Variants in RBM23 observed in about 807,000 individuals in gnomAD.
RBM23 encodes probable RNA-binding protein 23.
In RBM23, 53 loss-of-function variants were observed where a neutral mutation model predicts 56.2. The ratio of observed to expected loss-of-function variants is 0.94; its 90% confidence interval spans 0.76 to 1.19. RBM23 has a LOEUF of 1.19. Among genes scored for constraint, RBM23 ranks in the 50% most tolerant of loss-of-function variants. The pLI, the probability that RBM23 is intolerant of heterozygous loss-of-function variation, is 0.00. For synonymous variants in RBM23, 197 were observed against 198.5 expected (o/e 0.99, Z 0.06); for missense variants, 642 against 590.3 (o/e 1.09, Z -0.91).
At chr14:22,916,618 T>C (rs963721221) in intron 1 of RBM23, among the ~76,000 whole-genome samples, 2 of 151,716 alleles carry the variant, frequency 1.3e-5, no homozygotes, top group African/African-American at 4.8e-5. Flanking sequence ...ATTATATCTA[T>C]TATATCAGAT....
chr14:22,913,228 C>G (rs1256453279), intron 1 of RBM23, among the ~76,000 whole-genome samples: 1 of 150,488 alleles, frequency 6.6e-6, no homozygotes, highest in African/African-American at 2.4e-5. Context: ...TCCTGGCTAA[C>G]ACAGTGAAAC....
chr14:22,902,368 CTCAGAA>C lies in RBM23; in HGVS notation c.939_944del (p.Asp313_Ser314del). On this transcript the variant is annotated inframe_deletion, in exon 11 of 14. Coordinates refer to ENST00000359890, the MANE Select transcript of RBM23 (RefSeq NM_001077351.2). Reference sequence around the variant, plus strand: ...ACTGTTCCAGGGCCCGCCGGGCACACTCAGAATCAGAGAACTATGAGAAACCCAGGC... The same window carrying C: ...ACTGTTCCAGGGCCCGCCGGGCACACTCAGAGAACTATGAGAAACCCAGGC... The C allele has an allele frequency of 1.2e-6, 2 of 1,612,432 alleles. No homozygotes were observed.
chr14:22,899,231 TGAGA>T lies in RBM23; in HGVS notation c.*2495_*2498del, dbSNP rs1300953663. 6.6e-6 allele frequency: 1 copy of T among 152,220 alleles called. No individual in the cohort carries two copies. The highest frequency in any genetic ancestry group is 2.4e-5 in the African/African-American group (1 of 41,448). The allele number at this position is 152,220 out of a possible 1,614,324, so 9.4% of individuals were successfully genotyped here. A position where few individuals can be genotyped will look rare whatever the true frequency, so the allele number is the denominator to read the frequency against. ...GTCACTATCACACAGCAGGTTATCA[TGAGA>T]GAGGGCTGTTATAAAGCAAGTTTGG... On this transcript the variant is annotated 3_prime_UTR_variant, in exon 14 of 14. Coordinates refer to ENST00000359890, the MANE Select transcript of RBM23 (RefSeq NM_001077351.2).
At chr14:22,912,873 G>A (rs558507118) in intron 1 of RBM23, among the ~76,000 whole-genome samples, 228 of 151,694 alleles carry the variant, frequency 1.5e-3, no homozygotes, top group African/African-American at 5.1e-3. Context: ...GGTGGCACGC[G>A]CCTGTAGGCC....
In RBM23 at chr14:22,911,334, T is replaced by G. The variant is rs779394006; in HGVS notation, c.60A>C (p.Lys20Asn). 4.3e-6 allele frequency: 7 copies of G among 1,613,520 alleles called. No homozygotes were observed. Among genetic ancestry groups the G allele is most frequent in the Non-Finnish European group, 5.1e-6 (6 of 1,179,590 alleles). ...GTGAGGTGGAAAATATTACCTCTTC[T>G]TTTTTATAGGGAGCTTCCAGCATGG... Reference protein sequence around the residue: ...IEAMLEAPYKKEEDEQQRKEV... With the variant: ...IEAMLEAPYKNEEDEQQRKEV... The change falls in exon 2 of 14, where the codon AAA becomes AAC. Residue 20 changes from lysine to asparagine, a missense_variant. Physicochemically the swap from Lys to Asn is moderately conservative, Grantham distance 94 (BLOSUM62 0). Coordinates refer to ENST00000359890, the MANE Select transcript of RBM23 (RefSeq NM_001077351.2).
chr14:22,902,494 T>C (rs2040736233), intron 10 of RBM23, 112 bp from the exon 11 acceptor site: 2 of 1,436,196 alleles, frequency 1.4e-6, no homozygotes, highest in South Asian at 3.2e-5. Context: ...CTCACTGAGG[T>C]ACAAACTTTT....
intron 3 of RBM23, chr14:22,908,609 A>G: frequency 2.4e-6 from 1 of 414,168 alleles, no homozygotes; most frequent in Non-Finnish European, 4.3e-6. Context: ...GGCCAGGTTC[A>G]TCTTGAACCC....
At chr14:22,916,001 T>C (rs757627875) in intron 1 of RBM23, among the ~76,000 whole-genome samples, 11 of 152,178 alleles carry the variant, frequency 7.2e-5, no homozygotes, top group Non-Finnish European at 1.3e-4. Context: ...GGAGAATGGC[T>C]TGAGGCCAAG....
At chr14:22,914,565 T>C (rs1423618328) in intron 1 of RBM23, among the ~76,000 whole-genome samples, 1 of 152,080 alleles carries the variant, frequency 6.6e-6, no homozygotes. Context: ...CATGAAAGTG[T>C]ACACTTTAAT....
In RBM23 at chr14:22,919,102, G is replaced by C. The variant is rs967826774; in HGVS notation, c.-114C>G. On this transcript the variant is annotated 5_prime_UTR_variant, in exon 1 of 14. Transcript: ENST00000359890. ...TCCTAGAGTCTAGGCAAGAAAAGCA[G>C]CACTGCAGGTACAGAGCCTCCTCTT... is the stretch of plus-strand genomic sequence containing the variant. 1.3e-5 allele frequency: 2 copies of C among 152,228 alleles called. No individual in the cohort carries two copies. The highest frequency in any genetic ancestry group is 2.9e-5 in the Non-Finnish European group (2 of 68,092). The allele number at this position is 152,228 out of a possible 1,614,324, so 9.4% of individuals were successfully genotyped here. A position where few individuals can be genotyped will look rare whatever the true frequency, so the allele number is the denominator to read the frequency against.
intron 2 of RBM23, 141 bp downstream of exon 2, chr14:22,911,187 A>ATTAGTATTTTATG: frequency 1.4e-6 from 1 of 723,618 alleles, no homozygotes; most frequent in East Asian, 2.7e-5. Flanking sequence ...GCTTACTAAG[A>ATTAGTATTTTATG]CTATGCCTTT....
Position 22,899,727 on chromosome 14 carries a change from A to G in RBM23, c.*2003T>C, listed in dbSNP as rs1401894375. 1 of 152,224 alleles carries G rather than the reference A, an allele frequency of 6.6e-6. No individual in the cohort carries two copies. Among genetic ancestry groups the G allele is most frequent in the East Asian group, 1.9e-4 (1 of 5,204 alleles). 9.4% of individuals were successfully genotyped at this position (152,224 alleles called of 1,614,324 possible). ...CTGTGCTATTGTTACAGAAGCAGCA[A>G]ACAGACTTAGGAGCTAGAGTCCCAC... On this transcript the variant is annotated 3_prime_UTR_variant, in exon 14 of 14. Transcript: ENST00000359890.
At chr14:22,908,680 CCCGCGTGAGCA>C (rs1299389013) in intron 3 of RBM23, 1 of 265,526 alleles carries the variant, frequency 3.8e-6, no homozygotes, top group East Asian at 9.0e-5. Context: ...ATGCATGAGC[CCCGCGTGAGCA>C]CCGCGCCAGG....
chr14:22,907,804 C>T (rs1387353029), intron 4 of RBM23, among the ~76,000 whole-genome samples: 3 of 152,148 alleles, frequency 2.0e-5, no homozygotes, highest in Admixed American at 1.3e-4. Context: ...CCCTTGAAGA[C>T]CTTCCAGTGG....
chr14:22,904,942 T>A lies in RBM23; in HGVS notation c.797A>T (p.Tyr266Phe), dbSNP rs776613721. Reference sequence around the variant, plus strand: ...GATATTGAAGTGCAGGGAACCCACATAGAGGCGCATTGGTCCACCATTGCC... The same window carrying A: ...GATATTGAAGTGCAGGGAACCCACAAAGAGGCGCATTGGTCCACCATTGCC... Reference protein sequence around the residue: ...QKGNGGPMRLYVGSLHFNITE... With the variant: ...QKGNGGPMRLFVGSLHFNITE... Residue 266 changes from tyrosine to phenylalanine, a missense_variant, in exon 9 of 14, where the codon TAT (tyrosine) becomes TTT (phenylalanine). Physicochemically the swap from Tyr to Phe is conservative, Grantham distance 22 (BLOSUM62 3). Coordinates refer to ENST00000359890, the MANE Select transcript of RBM23 (RefSeq NM_001077351.2). The A allele has an allele frequency of 6.2e-7, 1 of 1,614,206 alleles. No individual in the cohort carries two copies. The highest frequency in any genetic ancestry group is 1.1e-5 in the South Asian group (1 of 91,078).
chr14:22,910,539 G>C (rs1286148931), intron 2 of RBM23, among the ~76,000 whole-genome samples: 2 of 150,730 alleles, frequency 1.3e-5, no homozygotes, highest in Non-Finnish European at 3.0e-5. Flanking sequence ...TGGGAGGAGA[G>C]GGCAGAGGGA....
At chr14:22,903,693 G>T in intron 10 of RBM23, 2 of 1,002,132 alleles carry the variant, frequency 2.0e-6, no homozygotes, top group Non-Finnish European at 2.4e-6. Flanking sequence ...TCTCAGCCTG[G>T]AGTCACATGG....
intron 9 of RBM23, 72 bp from the exon 10 acceptor site, chr14:22,904,398 CTT>C (rs371371804): frequency 0.022 from 21,277 of 974,408 alleles, no homozygotes; most frequent in South Asian, 0.027. Flanking sequence ...ACCCAGACTG[CTT>C]TTTTTTTTTT....
At chr14:22,916,246 C>A in intron 1 of RBM23, among the ~76,000 whole-genome samples, 1 of 150,690 alleles carries the variant, frequency 6.6e-6, no homozygotes. Flanking sequence ...TCACACAGCT[C>A]AAAGGGAAGA....
Sources: allele counts gnomAD v4.1 joint callset (sites outside exome capture counted in the v4.1 genomes callset), GRCh38; gene constraint gnomAD v4.1.1; transcripts MANE v1.5; gene names NCBI Gene and HGNC (gene_info 2026-07-23, HGNC 2026-07-21).